Variants in CBFA2T2 observed in about 807,000 individuals in gnomAD.
CBFA2T2 encodes CBFA2/RUNX1 partner transcriptional co-repressor 2, also known as protein CBFA2T2.
Under a neutral mutation model 62.2 loss-of-function variants are expected in CBFA2T2, and 11 were observed. The ratio of observed to expected loss-of-function variants is 0.18; its 90% CI spans 0.11 to 0.29. The LOEUF is 0.29. CBFA2T2 is among the 10% of genes least tolerant of loss of function. The pLI, the probability that CBFA2T2 is intolerant of heterozygous loss-of-function variation, is 1.00. For synonymous variants in CBFA2T2, 295 were observed against 287.5 expected, an observed-to-expected ratio of 1.03 and a Z score of -0.27; for missense variants, 592 against 774.1, an observed-to-expected ratio of 0.76 and a Z score of 2.79.
chr20:33,615,375 G>A (rs1042061086), intron 3 of CBFA2T2, among the ~76,000 whole-genome samples: 55 of 152,118 alleles, frequency 3.6e-4, no homozygotes, highest in Admixed American at 3.4e-3. Context: ...GTTTGGCAAT[G>A]TTTCTGGTAC....
chr20:33,577,736 A>G (rs1223629361), intron 1 of CBFA2T2, among the ~76,000 whole-genome samples: 2 of 152,160 alleles, frequency 1.3e-5, no homozygotes, highest in African/African-American at 4.8e-5. Context: ...CAGAGCTGCC[A>G]TTTCTTAGCC....
In CBFA2T2 at chr20:33,572,529, A is replaced by G. The variant is rs143136505; in HGVS notation, c.35-34427A>G. ...ATATGAAATTAAGTGTTAATTTAGGACTCTCTGAAGAAGTAAATTGAGCTG... is the reference window on the plus strand; with the variant it reads ...ATATGAAATTAAGTGTTAATTTAGGGCTCTCTGAAGAAGTAAATTGAGCTG... On this transcript the variant is annotated intron_variant, in intron 1 of 10. Coordinates refer to ENST00000342704, the MANE Select transcript of CBFA2T2 (RefSeq NM_001032999.3). Among the ~76,000 whole-genome samples the G allele has an allele frequency of 7.8e-4, 119 of 152,298 alleles. 1 individual carries two copies. The East Asian group carries it at 0.022, about 28-fold the overall frequency.
chr20:33,543,155 A>G (rs2012451370), intron 1 of CBFA2T2, among the ~76,000 whole-genome samples: 1 of 152,076 alleles, frequency 6.6e-6, no homozygotes, highest in Admixed American at 6.6e-5. Flanking sequence ...CTGGGATTAC[A>G]GGCGCATGCC....
intron 1 of CBFA2T2, among the ~76,000 whole-genome samples, chr20:33,590,989 A>T (rs1052242010): frequency 2.6e-5 from 4 of 151,924 alleles, no homozygotes; most frequent in African/African-American, 9.7e-5. Flanking sequence ...AGCCTGGCCA[A>T]CATGGTGAAA....
chr20:33,609,796 CTAAA>C (rs567258647), intron 2 of CBFA2T2, among the ~76,000 whole-genome samples: 27 of 152,262 alleles, frequency 1.8e-4, no homozygotes, highest in South Asian at 4.1e-4. Flanking sequence ...CAAAATATGA[CTAAA>C]TGTCTTTTTT....
intron 1 of CBFA2T2, among the ~76,000 whole-genome samples, chr20:33,580,342 T>C (rs1395340679): frequency 6.6e-6 from 1 of 152,202 alleles, no homozygotes; most frequent in Non-Finnish European, 1.5e-5. Flanking sequence ...AAAGCCAGTA[T>C]GTACTATGTA....
chr20:33,606,466 G>T (rs552025515), intron 1 of CBFA2T2, among the ~76,000 whole-genome samples: 1 of 152,286 alleles, frequency 6.6e-6, no homozygotes, highest in South Asian at 2.1e-4. Context: ...CAAAATTGAG[G>T]TATCAGCAAG....
chr20:33,528,950 G>C (rs1455248107), intron 1 of CBFA2T2, among the ~76,000 whole-genome samples: 1 of 152,194 alleles, frequency 6.6e-6, no homozygotes. Context: ...CAATTGGCTG[G>C]TGTGAGGAAG....
chr20:33,606,556 C>T (rs1568848362), intron 1 of CBFA2T2, among the ~76,000 whole-genome samples: 1 of 152,176 alleles, frequency 6.6e-6, no homozygotes, highest in South Asian at 2.1e-4. Flanking sequence ...CACTCCTTGG[C>T]ATTCCTCGGT....
chr20:33,646,243 A>T lies in CBFA2T2; in HGVS notation c.*1597A>T, dbSNP rs1211471072. The T allele has an allele frequency of 6.6e-6, 1 of 152,016 alleles. No individual in the cohort carries two copies. Among genetic ancestry groups the T allele is most frequent in the Admixed American group, 6.6e-5 (1 of 15,254 alleles). 9.4% of individuals were successfully genotyped at this position (152,016 alleles called of 1,614,324 possible). On this transcript the variant is annotated 3_prime_UTR_variant, in exon 11 of 11. Coordinates refer to ENST00000342704, the MANE Select transcript of CBFA2T2 (RefSeq NM_001032999.3). ...GATCTCGAACTCCTGACCTCAGGTG[A>T]CCTGCCTTGGCCTCCCAAAGTGCAG... is the stretch of plus-strand genomic sequence containing the variant.
At chr20:33,545,474 G>GTTCA (rs2012535743) in intron 1 of CBFA2T2, among the ~76,000 whole-genome samples, 1 of 89,976 alleles carries the variant, frequency 1.1e-5, no homozygotes, top group African/African-American at 5.6e-5. Context: ...TCTTTCTTTC[G>GTTCA]TTCGTTTGTT....
intron 1 of CBFA2T2, among the ~76,000 whole-genome samples, chr20:33,497,297 A>AG (rs1168857290): frequency 5.3e-5 from 8 of 150,554 alleles, no homozygotes; most frequent in African/African-American, 2.0e-4. Context: ...AAAAAAAAAA[A>AG]AGAATGTGGT....
In CBFA2T2 at chr20:33,569,755, A is replaced by T. The variant is rs368379195; in HGVS notation, c.35-37201A>T. ...ACAGCATTTTAAATTAAATTATTTA[A>T]TAATTTGGAAAATTTAAAGTAACAA... On this transcript the variant is annotated intron_variant, in intron 1 of 10. Coordinates refer to ENST00000342704, the MANE Select transcript of CBFA2T2 (RefSeq NM_001032999.3). 3.1e-4 allele frequency among the ~76,000 whole-genome samples: 47 copies of T among 152,370 alleles called. No individual in the cohort carries two copies. The East Asian group carries it at 5.2e-3, about 17-fold the overall frequency.
chr20:33,509,188 G>A (rs1196109013), intron 1 of CBFA2T2, among the ~76,000 whole-genome samples: 1 of 150,782 alleles, frequency 6.6e-6, no homozygotes, highest in African/African-American at 2.4e-5. Flanking sequence ...CCAACATGGT[G>A]AAATCCCTTA....
At chr20:33,571,142 C>G (rs1181710770) in intron 1 of CBFA2T2, among the ~76,000 whole-genome samples, 5 of 152,338 alleles carry the variant, frequency 3.3e-5, no homozygotes, top group Non-Finnish European at 7.3e-5. Context: ...GGAACCATCT[C>G]TAACAACAAA....
At chr20:33,629,009 T>C in intron 7 of CBFA2T2, among the ~76,000 whole-genome samples, 1 of 152,244 alleles carries the variant, frequency 6.6e-6, no homozygotes, top group South Asian at 2.1e-4. Context: ...CACATGCCTG[T>C]AGTCCCAGCT....
chr20:33,558,168 C>T (rs1024544461), intron 1 of CBFA2T2, among the ~76,000 whole-genome samples: 2 of 150,620 alleles, frequency 1.3e-5, no homozygotes, highest in African/African-American at 4.9e-5. Flanking sequence ...CTGTCTCACT[C>T]TCGCTCAGGC....
At chr20:33,614,895 C>G (rs1467239573) in intron 3 of CBFA2T2, among the ~76,000 whole-genome samples, 1 of 152,180 alleles carries the variant, frequency 6.6e-6, no homozygotes, top group African/African-American at 2.4e-5. Flanking sequence ...TCCTAGATGC[C>G]AGCCAGTGGC....
intron 6 of CBFA2T2, among the ~76,000 whole-genome samples, chr20:33,625,590 G>A (rs535540310): frequency 2.1e-4 from 32 of 152,370 alleles, no homozygotes; most frequent in East Asian, 1.2e-3. Flanking sequence ...TTGAAGATAT[G>A]TGAGAATTCT....
Sources: gnomAD v4.1 joint callset for allele counts (sites outside exome capture counted in the v4.1 genomes callset) on GRCh38, gnomAD v4.1.1 for gene constraint, MANE v1.5 for transcripts, NCBI Gene and HGNC (gene_info 2026-07-23, HGNC 2026-07-21) for gene names.